Variants in GLDC observed in about 807,000 individuals in gnomAD.
GLDC encodes glycine dehydrogenase (decarboxylating), mitochondrial.
GLDC carries 104 observed loss-of-function variants against 121.3 expected under a neutral mutation model. That is an observed-to-expected ratio of 0.86 (90% CI 0.73 to 1.01). The LOEUF (loss-of-function observed/expected upper bound fraction) is 1.01. Ranked by LOEUF, GLDC falls within the 50% of genes least tolerant of loss-of-function variation. The probability of loss-of-function intolerance (pLI) is 0.00; values close to 1 mark genes in which losing one functional copy is unlikely to be tolerated. For synonymous variants in GLDC, 546 were observed against 480.6 expected, an observed-to-expected ratio of 1.14 and a Z score of -1.78; for missense variants, 1,429 against 1,306.6, an observed-to-expected ratio of 1.09 and a Z score of -1.44.
At chr9:6,599,621 T>C (rs1818559550) in intron 8 of GLDC, among the ~76,000 whole-genome samples, 1 of 150,344 alleles carries the variant, frequency 6.7e-6, no homozygotes, top group African/African-American at 2.5e-5. Flanking sequence ...CTCAGGAGGC[T>C]GAGGCAAGAG....
chr9:6,628,330 T>A (rs987801372), intron 2 of GLDC, among the ~76,000 whole-genome samples: 6 of 152,144 alleles, frequency 3.9e-5, no homozygotes, highest in African/African-American at 1.4e-4. Context: ...AAAACTAGAT[T>A]TTCCCCCCAG....
At chr9:6,635,597 G>A (rs1424808682) in intron 2 of GLDC, among the ~76,000 whole-genome samples, 4 of 152,056 alleles carry the variant, frequency 2.6e-5, no homozygotes, top group African/African-American at 9.7e-5. Flanking sequence ...TAGGATCTGG[G>A]TGTGGTGGCT....
intron 7 of GLDC, among the ~76,000 whole-genome samples, chr9:6,603,085 A>C (rs1037037613): frequency 5.9e-5 from 9 of 151,930 alleles, no homozygotes; most frequent in African/African-American, 2.2e-4. Flanking sequence ...AAAATTAGCC[A>C]GACATGGTGA....
chr9:6,604,844 G>A, intron 6 of GLDC, 60 bp from the exon 7 acceptor site: 1 of 1,352,738 alleles, frequency 7.4e-7, no homozygotes, highest in Non-Finnish European at 1.1e-6. Context: ...AGTAGTGGGA[G>A]AGTAGGAAAT....
rs753457618 is a variant in GLDC, at chr9:6,558,570, G to A, written c.2041C>T (p.Leu681Phe). Residue 681 changes from leucine (L) to phenylalanine (F), a missense_variant, in exon 17 of 25, where the codon CTC becomes TTC. Coordinates refer to ENST00000321612, the MANE Select transcript of GLDC (RefSeq NM_000170.3). ...DKYGNIDAVHLKAMVDKHKEN... is the reference protein window; with the variant it reads ...DKYGNIDAVHFKAMVDKHKEN... ...GAGAAGACAAGTACCATGGCCTTGA[G>A]GTGAACTGCATCGATATTCCCATAT... The A allele has an allele frequency of 7.4e-6, 12 of 1,614,068 alleles. No individual in the cohort carries two copies. The African/African-American group carries it at 8.0e-5, about 11-fold the overall frequency.
intron 24 of GLDC, chr9:6,534,080 C>T (rs55933544): frequency 0.21 from 31,024 of 149,848 alleles, 3,770 homozygotes; most frequent in Admixed American, 0.28. Context: ...GGCATGGTGG[C>T]AGGCGCCTGT....
intron 2 of GLDC, among the ~76,000 whole-genome samples, chr9:6,631,117 C>T (rs998163588): frequency 2.0e-5 from 3 of 152,204 alleles, no homozygotes; most frequent in South Asian, 2.1e-4. Flanking sequence ...GGCAGCGGCA[C>T]GCAGGCCCAA....
chr9:6,552,196 G>T (rs1308588615), intron 20 of GLDC, among the ~76,000 whole-genome samples: 2 of 152,104 alleles, frequency 1.3e-5, no homozygotes, highest in African/African-American at 4.8e-5. Flanking sequence ...AATAAGAGAA[G>T]GCCCAAGGCC....
intron 2 of GLDC, among the ~76,000 whole-genome samples, chr9:6,633,346 T>A (rs1240551263): frequency 6.6e-6 from 1 of 152,214 alleles, no homozygotes; most frequent in African/African-American, 2.4e-5. Context: ...GAAATTTCAC[T>A]AATTCTCATG....
intron 21 of GLDC, among the ~76,000 whole-genome samples, chr9:6,544,753 C>T (rs1273489108): frequency 6.6e-6 from 1 of 152,082 alleles, no homozygotes; most frequent in Non-Finnish European, 1.5e-5. Context: ...TCAGATCAAA[C>T]CTTTGCCTCC....
In GLDC at chr9:6,581,011, G is replaced by A. The variant is rs144952600; in HGVS notation, c.1850+6130C>T. Among the ~76,000 whole-genome samples, 825 of 152,276 alleles carry A rather than the reference G, an allele frequency of 5.4e-3. 8 individuals are homozygous for A. The highest frequency in any genetic ancestry group is 0.019 in the African/African-American group (779 of 41,530). ...GCTCCGACATAAAATGACCGTATAT[G>A]AACTCAAGCATCTCTGCCTCTCCAC... On this transcript the variant is annotated intron_variant, in intron 15 of 24. Coordinates refer to ENST00000321612, the MANE Select transcript of GLDC (RefSeq NM_000170.3).
In GLDC at chr9:6,553,262, T is replaced by C. The variant is rs111262564; in HGVS notation, c.2457+106A>G. The C allele has an allele frequency of 9.1e-6, 9 of 993,354 alleles. No homozygotes were observed. The African/African-American group carries it at 1.1e-4, about 12-fold the overall frequency. The allele number at this position is 993,354 out of a possible 1,614,324, so 61.5% of individuals were successfully genotyped here. On this transcript the variant is annotated intron_variant, in intron 20 of 24. Transcript: ENST00000321612. ...AATATTCTTTGAACCACATCTCAGA[T>C]CATGAATTTATTTGTTTTTAAGCCA...
intron 3 of GLDC, among the ~76,000 whole-genome samples, chr9:6,616,578 G>C (rs866874408): frequency 6.6e-6 from 1 of 152,098 alleles, no homozygotes; most frequent in Non-Finnish European, 1.5e-5. Context: ...ACTATCAAAA[G>C]GCCTGCCATC....
At chr9:6,562,706 G>A (rs904933782) in intron 16 of GLDC, among the ~76,000 whole-genome samples, 2 of 152,050 alleles carry the variant, frequency 1.3e-5, no homozygotes, top group African/African-American at 4.8e-5. Flanking sequence ...GATCACAGGC[G>A]TGCACCACCA....
chr9:6,620,103 A>C (rs988668367), intron 3 of GLDC, 81 bp downstream of exon 3: 19 of 1,411,282 alleles, frequency 1.3e-5, no homozygotes, highest in African/African-American at 1.3e-4. Context: ...GGAGGCTCTG[A>C]GACTGCAAGG....
chr9:6,597,765 T>C (rs1435687868), intron 8 of GLDC, among the ~76,000 whole-genome samples: 1 of 151,894 alleles, frequency 6.6e-6, no homozygotes, highest in Admixed American at 6.6e-5. Flanking sequence ...TGAAACCCTG[T>C]ATCTACTAAA....
At chr9:6,567,898 G>C (rs527752018) in intron 15 of GLDC, among the ~76,000 whole-genome samples, 3 of 152,350 alleles carry the variant, frequency 2.0e-5, no homozygotes, top group African/African-American at 4.8e-5. Context: ...ATATAGAACA[G>C]TACTCTGCAT....
chr9:6,598,826 C>A (rs1173336439), intron 8 of GLDC, among the ~76,000 whole-genome samples: 1 of 152,178 alleles, frequency 6.6e-6, no homozygotes, highest in Non-Finnish European at 1.5e-5. Flanking sequence ...AAGATACAGA[C>A]CTTTCAACCC....
chr9:6,590,196 G>A (rs1390273398), intron 11 of GLDC, among the ~76,000 whole-genome samples: 1 of 150,058 alleles, frequency 6.7e-6, no homozygotes, highest in Admixed American at 6.6e-5. Flanking sequence ...TGAAATGTGT[G>A]TGCATCAAAG....
Sources: allele counts gnomAD v4.1 joint callset (sites outside exome capture counted in the v4.1 genomes callset), GRCh38; gene constraint gnomAD v4.1.1; transcripts MANE v1.5; gene names NCBI Gene and HGNC (gene_info 2026-07-23, HGNC 2026-07-21).